NALF1: variants seen among roughly 807,000 people sequenced by gnomAD.
The protein encoded by NALF1 is family with sequence similarity 155 member A.
NALF1 carries 3 observed loss-of-function variants against 48.4 expected under a neutral mutation model. The observed-to-expected ratio is 0.06, with a 90% confidence interval of 0.03 to 0.16. The LOEUF is 0.16. Ranked by LOEUF, NALF1 falls within the 10% of genes least tolerant of loss-of-function variation. NALF1 has a pLI of 1.00. For missense variants in NALF1, 526 were observed against 571.5 expected (o/e 0.92, Z 0.81); for synonymous variants, 262 against 245.7 (o/e 1.07, Z -0.62).
chr13:107,619,241 T>C (rs1304478148), intron 1 of NALF1, among the ~76,000 whole-genome samples: 1 of 152,190 alleles, frequency 6.6e-6, no homozygotes. Flanking sequence ...GTTTATGCGC[T>C]CAGGTCGGTT....
At position 107,251,563 on chromosome 13, in the gene NALF1, G is replaced by C. The variant is rs191965326; in HGVS notation, c.916-40808C>G. ...TCCCACAGGCTGAAGCCTCGGAGAC[G>C]GGTGGCAAGGAGAGGTTATAAACTT... On this transcript the variant is annotated intron_variant, in intron 1 of 2. Coordinates refer to ENST00000375915, the MANE Select transcript of NALF1 (RefSeq NM_001080396.3). Among the ~76,000 whole-genome samples the C allele has an allele frequency of 7.2e-4, 110 of 152,290 alleles. 1 individual carries two copies. The highest frequency in any genetic ancestry group is 5.2e-3 in the Admixed American group (80 of 15,296).
At chr13:107,383,220 T>C (rs9670033) in intron 1 of NALF1, among the ~76,000 whole-genome samples, 91,919 of 152,010 alleles carry the variant, frequency 0.6, 27,878 homozygotes, top group Middle Eastern at 0.68. Flanking sequence ...TATTATGTGA[T>C]TGATTATTGT....
chr13:107,794,078 A>G (rs1173539953), intron 1 of NALF1, among the ~76,000 whole-genome samples: 2 of 152,188 alleles, frequency 1.3e-5, no homozygotes, highest in African/African-American at 4.8e-5. Context: ...GTTCAGTCAA[A>G]GAGTTAAATG....
chr13:107,856,367 C>T (rs1418330085), intron 1 of NALF1, among the ~76,000 whole-genome samples: 3 of 152,130 alleles, frequency 2.0e-5, no homozygotes, highest in Non-Finnish European at 4.4e-5. Context: ...ATGTTGAGTC[C>T]TGCTTTGCTC....
intron 1 of NALF1, among the ~76,000 whole-genome samples, chr13:107,448,940 T>TGCTGTCAGAACATCACACG (rs1884696406): frequency 1.3e-5 from 2 of 152,186 alleles, no homozygotes; most frequent in Admixed American, 1.3e-4. Context: ...AGCAGAGCTA[T>TGCTGTCAGAACATCACACG]GCTGTCAGAA....
intron 2 of NALF1, among the ~76,000 whole-genome samples, chr13:107,185,298 CT>C (rs775167811): frequency 6.6e-6 from 1 of 152,068 alleles, no homozygotes; most frequent in East Asian, 1.9e-4. Context: ...TACAATGGTG[CT>C]GGGAAACGAA....
At chr13:107,734,921 T>C (rs1876423322) in intron 1 of NALF1, among the ~76,000 whole-genome samples, 1 of 152,176 alleles carries the variant, frequency 6.6e-6, no homozygotes, top group Admixed American at 6.6e-5. Flanking sequence ...GACATTGCTA[T>C]GAATCCCCTT....
chr13:107,696,489 T>C (rs935940006), intron 1 of NALF1, among the ~76,000 whole-genome samples: 6 of 152,136 alleles, frequency 3.9e-5, no homozygotes, highest in African/African-American at 1.4e-4. Context: ...CAGTCTTAAA[T>C]ACCAACTCTA....
chr13:107,601,176 C>T (rs773540613), intron 1 of NALF1, among the ~76,000 whole-genome samples: 3 of 152,064 alleles, frequency 2.0e-5, no homozygotes, highest in Non-Finnish European at 4.4e-5. Flanking sequence ...CAATGCTCCC[C>T]GACCTCAGAT....
chr13:107,543,714 CACAT>C (rs1348863787), intron 1 of NALF1, among the ~76,000 whole-genome samples: 1 of 151,826 alleles, frequency 6.6e-6, no homozygotes, highest in African/African-American at 2.4e-5. Flanking sequence ...TATACACACA[CACAT>C]ACATACATGT....
At chr13:107,465,714 C>T (rs557162454) in intron 1 of NALF1, among the ~76,000 whole-genome samples, 12 of 152,106 alleles carry the variant, frequency 7.9e-5, no homozygotes, top group Non-Finnish European at 1.8e-4. Flanking sequence ...AAATACCTAA[C>T]GCTAGGTCAT....
At chr13:107,643,462 A>T (rs904898475) in intron 1 of NALF1, among the ~76,000 whole-genome samples, 2 of 151,566 alleles carry the variant, frequency 1.3e-5, no homozygotes, top group Non-Finnish European at 2.9e-5. Flanking sequence ...AGTTACAGGA[A>T]GGGCTTCCAA....
chr13:107,388,739 G>A (rs113137792), intron 1 of NALF1, among the ~76,000 whole-genome samples: 115 of 152,138 alleles, frequency 7.6e-4, no homozygotes, highest in African/African-American at 2.0e-3. Context: ...GCTTCATCAC[G>A]GTATGCAGAA....
At chr13:107,686,032 C>T (rs926545202) in intron 1 of NALF1, among the ~76,000 whole-genome samples, 1 of 152,200 alleles carries the variant, frequency 6.6e-6, no homozygotes, top group South Asian at 2.1e-4. Context: ...TGTGAAGAAG[C>T]GGCAGAGCAA....
At chr13:107,517,908 C>T (rs762165896) in intron 1 of NALF1, among the ~76,000 whole-genome samples, 3 of 150,726 alleles carry the variant, frequency 2.0e-5, no homozygotes, top group African/African-American at 7.3e-5. Flanking sequence ...GCCGAGGTTG[C>T]GCCATGTTGC....
intron 1 of NALF1, among the ~76,000 whole-genome samples, chr13:107,701,876 T>C (rs1881830320): frequency 6.6e-6 from 1 of 152,050 alleles, no homozygotes; most frequent in South Asian, 2.1e-4. Context: ...TTTAAGAAAA[T>C]AAAAAATAAA....
intron 1 of NALF1, among the ~76,000 whole-genome samples, chr13:107,676,962 T>G (rs1234131278): frequency 6.6e-6 from 1 of 152,200 alleles, no homozygotes; most frequent in East Asian, 1.9e-4. Context: ...CCCTACAGAT[T>G]TATGGCTTTG....
At chr13:107,440,548 GA>G (rs1884541141) in intron 1 of NALF1, among the ~76,000 whole-genome samples, 1 of 152,152 alleles carries the variant, frequency 6.6e-6, no homozygotes, top group Admixed American at 6.5e-5. Flanking sequence ...AGTTTTGAGA[GA>G]AAGAGAAGAG....
intron 1 of NALF1, among the ~76,000 whole-genome samples, chr13:107,276,352 C>T (rs890344475): frequency 1.3e-5 from 2 of 152,172 alleles, no homozygotes; most frequent in East Asian, 1.9e-4. Context: ...TCCAGAATAG[C>T]TATTAAACAC....
Sources: gnomAD v4.1 joint callset for allele counts (sites outside exome capture counted in the v4.1 genomes callset) on GRCh38, gnomAD v4.1.1 for gene constraint, MANE v1.5 for transcripts, NCBI Gene and HGNC (gene_info 2026-07-23, HGNC 2026-07-21) for gene names.